ST6GALNAC3: variants seen among roughly 807,000 people sequenced by gnomAD.
ST6GALNAC3 encodes alpha-N-acetylgalactosaminide alpha-2,6-sialyltransferase 3.
A neutral mutation model predicts 32.7 loss-of-function variants in ST6GALNAC3; 25 were observed. That is an observed-to-expected ratio of 0.76 (90% CI 0.56 to 1.07). The LOEUF (loss-of-function observed/expected upper bound fraction) is 1.07. ST6GALNAC3 is among the 50% of genes least tolerant of loss of function. ST6GALNAC3 has a pLI of 0.00. For synonymous variants in ST6GALNAC3, 129 were observed against 133.1 expected (o/e 0.97, Z 0.21); for missense variants, 355 against 382.4 (o/e 0.93, Z 0.60).
chr1:76,420,233 C>T (rs1654938956), intron 3 of ST6GALNAC3, among the ~76,000 whole-genome samples: 1 of 152,082 alleles, frequency 6.6e-6, no homozygotes, highest in South Asian at 2.1e-4. Flanking sequence ...CTGCAGATGG[C>T]ACTTTGAATT....
chr1:76,504,886 A>G (rs576832322), intron 3 of ST6GALNAC3, among the ~76,000 whole-genome samples: 8 of 152,238 alleles, frequency 5.3e-5, no homozygotes, highest in East Asian at 3.9e-4. Flanking sequence ...ATTTTTTTCT[A>G]TCGTACTTCA....
intron 2 of ST6GALNAC3, among the ~76,000 whole-genome samples, chr1:76,351,338 T>C (rs1648963789): frequency 1.3e-5 from 2 of 152,186 alleles, no homozygotes. Flanking sequence ...ATTTATAACA[T>C]TTTCAAACAT....
At chr1:76,456,356 T>C (rs973355810) in intron 3 of ST6GALNAC3, among the ~76,000 whole-genome samples, 5 of 152,138 alleles carry the variant, frequency 3.3e-5, no homozygotes, top group Non-Finnish European at 7.4e-5. Context: ...CTTATTTATT[T>C]ATTTTTTTGA....
chr1:76,382,708 G>A (rs541496062), intron 2 of ST6GALNAC3, among the ~76,000 whole-genome samples: 1 of 152,094 alleles, frequency 6.6e-6, no homozygotes, highest in Non-Finnish European at 1.5e-5. Context: ...CATATTTTAT[G>A]ACAAAATTAG....
chr1:76,521,482 A>G (rs1249889400), intron 3 of ST6GALNAC3, among the ~76,000 whole-genome samples: 1 of 152,034 alleles, frequency 6.6e-6, no homozygotes. Flanking sequence ...AGCTTCTTGA[A>G]TAGCTGGGAT....
At chr1:76,579,460 A>G (rs1646860287) in intron 3 of ST6GALNAC3, among the ~76,000 whole-genome samples, 1 of 152,022 alleles carries the variant, frequency 6.6e-6, no homozygotes, top group South Asian at 2.1e-4. Flanking sequence ...AAAAAAATTC[A>G]CCGTAAGTCT....
chr1:76,201,815 A>C (rs1474505595), intron 1 of ST6GALNAC3, among the ~76,000 whole-genome samples: 1 of 152,210 alleles, frequency 6.6e-6, no homozygotes, highest in Non-Finnish European at 1.5e-5. Flanking sequence ...TGATTGTAAC[A>C]GAAAGACATA....
At chr1:76,581,846 A>G (rs975686034) in intron 3 of ST6GALNAC3, among the ~76,000 whole-genome samples, 6 of 152,056 alleles carry the variant, frequency 3.9e-5, no homozygotes, top group African/African-American at 1.4e-4. Context: ...GTAATTTCTA[A>G]ATCATTGAGT....
At chr1:76,276,745 T>A (rs1659156267) in intron 1 of ST6GALNAC3, among the ~76,000 whole-genome samples, 1 of 152,188 alleles carries the variant, frequency 6.6e-6, no homozygotes, top group Non-Finnish European at 1.5e-5. Context: ...AATGCAAAAT[T>A]ATTTTCCAAA....
chr1:76,222,336 C>T (rs1268881792), intron 1 of ST6GALNAC3, among the ~76,000 whole-genome samples: 2 of 152,004 alleles, frequency 1.3e-5, no homozygotes, highest in Admixed American at 6.6e-5. Context: ...GGACATAGGA[C>T]CTGGCAAAGA....
chr1:76,090,497 A>G (rs1241893749), intron 1 of ST6GALNAC3, among the ~76,000 whole-genome samples: 1 of 152,178 alleles, frequency 6.6e-6, no homozygotes, highest in Non-Finnish European at 1.5e-5. Flanking sequence ...TCACTCTTTT[A>G]TCTGTTCTTG....
intron 3 of ST6GALNAC3, among the ~76,000 whole-genome samples, chr1:76,493,057 G>A (rs1388445301): frequency 2.6e-5 from 4 of 151,034 alleles, no homozygotes; most frequent in Non-Finnish European, 5.9e-5. Context: ...TATTTTAAAG[G>A]TACCATCAGA....
At chr1:76,493,675 G>C (rs1429666585) in intron 3 of ST6GALNAC3, among the ~76,000 whole-genome samples, 1 of 152,010 alleles carries the variant, frequency 6.6e-6, no homozygotes, top group Non-Finnish European at 1.5e-5. Flanking sequence ...CAAATGTTGG[G>C]TCTGACTTCT....
chr1:76,113,880 C>T (rs980380088), intron 1 of ST6GALNAC3, among the ~76,000 whole-genome samples: 9 of 151,700 alleles, frequency 5.9e-5, no homozygotes, highest in Non-Finnish European at 1.0e-4. Flanking sequence ...AGCTGGAGTG[C>T]AATGGCATGA....
chr1:76,381,384 TAAAG>T (rs995718563), intron 2 of ST6GALNAC3, among the ~76,000 whole-genome samples: 1 of 152,098 alleles, frequency 6.6e-6, no homozygotes, highest in Non-Finnish European at 1.5e-5. Flanking sequence ...ATATGACACT[TAAAG>T]AAGCCCCTGA....
chr1:76,171,800 G>A (rs6667200), intron 1 of ST6GALNAC3, among the ~76,000 whole-genome samples: 15,490 of 132,948 alleles, frequency 0.12, 950 homozygotes, highest in Non-Finnish European at 0.14. Context: ...GTAATTAATA[G>A]CCTACCAAAA....
chr1:76,338,211 G>A (rs2100982396), intron 2 of ST6GALNAC3, among the ~76,000 whole-genome samples: 1 of 152,270 alleles, frequency 6.6e-6, no homozygotes, highest in African/African-American at 2.4e-5. Flanking sequence ...TGCCAGGAGA[G>A]GAGGTTTTTG....
chr1:76,084,477 C>T (rs1251807486), intron 1 of ST6GALNAC3, among the ~76,000 whole-genome samples: 7 of 152,148 alleles, frequency 4.6e-5, no homozygotes, highest in Non-Finnish European at 1.0e-4. Flanking sequence ...TGAGGGCAGA[C>T]ACAGACTTGA....
intron 3 of ST6GALNAC3, among the ~76,000 whole-genome samples, chr1:76,573,392 A>G (rs1041439706): frequency 6.6e-6 from 1 of 152,038 alleles, no homozygotes; most frequent in Non-Finnish European, 1.5e-5. Flanking sequence ...AAGCATCCCA[A>G]CACCCAGAGT....
Sources: allele counts gnomAD v4.1 joint callset (sites outside exome capture counted in the v4.1 genomes callset), GRCh38; gene constraint gnomAD v4.1.1; transcripts MANE v1.5; gene names NCBI Gene and HGNC (gene_info 2026-07-23, HGNC 2026-07-21).